SLX4IP: variants seen among roughly 807,000 people sequenced by gnomAD.
The protein encoded by SLX4IP is protein SLX4IP.
In SLX4IP, 34 loss-of-function variants were observed where a neutral mutation model predicts 32.9. The ratio of observed to expected loss-of-function variants is 1.03; its 90% confidence interval spans 0.79 to 1.38. SLX4IP has a LOEUF of 1.38. Among genes scored for constraint, SLX4IP ranks in the 40% most tolerant of loss-of-function variants. The pLI is 0.00. For synonymous variants in SLX4IP, 172 were observed against 171.7 expected (o/e 1.00, Z -0.01); for missense variants, 444 against 479.0 (o/e 0.93, Z 0.68).
At position 10,623,513 on chromosome 20, in the gene SLX4IP, G is replaced by A; in HGVS notation, c.*134G>A. 1.5e-6 allele frequency: 2 copies of A among 1,302,278 alleles called. No homozygotes were observed. The highest frequency in any genetic ancestry group is 2.1e-6 in the Non-Finnish European group (2 of 971,080). 80.7% of individuals were successfully genotyped at this position (1,302,278 alleles called of 1,614,324 possible). On this transcript the variant is annotated 3_prime_UTR_variant, in exon 8 of 8. Coordinates refer to ENST00000334534, the MANE Select transcript of SLX4IP (RefSeq NM_001009608.3). ...AATTTAAATAGGAAGTGTGTTATCT[G>A]TGTTATGGCTATGGTTTGTTTTCAA...
At chr20:10,479,191 G>C (rs1388360273) in intron 2 of SLX4IP, among the ~76,000 whole-genome samples, 1 of 152,172 alleles carries the variant, frequency 6.6e-6, no homozygotes, top group African/African-American at 2.4e-5. Context: ...TCTGGGAAAG[G>C]TGAGGACAGT....
chr20:10,467,823 A>T lies in SLX4IP; in HGVS notation c.27+9592A>T, dbSNP rs1310165203. Among the ~76,000 whole-genome samples the T allele has an allele frequency of 4.6e-5, 7 of 152,152 alleles. No individual in the cohort carries two copies. In the East Asian group the frequency reaches 1.3e-3, roughly 29 times the overall value. On this transcript the variant is annotated intron_variant, in intron 2 of 7. Transcript: ENST00000334534. Reference sequence around the variant, plus strand: ...AAGGCATCTGCTCTGAGTGTTGATGACTTTGAAACAAAGTTCTTGGACTTG... The same window carrying T: ...AAGGCATCTGCTCTGAGTGTTGATGTCTTTGAAACAAAGTTCTTGGACTTG...
intron 6 of SLX4IP, chr20:10,613,871 A>G (rs900907525): frequency 7.1e-5 from 112 of 1,572,524 alleles, no homozygotes; most frequent in Non-Finnish European, 8.8e-5. Flanking sequence ...ATGTCTTTTC[A>G]AAAGCTTGAA....
At chr20:10,582,891 A>G (rs1004899348) in intron 4 of SLX4IP, among the ~76,000 whole-genome samples, 9 of 152,168 alleles carry the variant, frequency 5.9e-5, no homozygotes, top group African/African-American at 1.9e-4. Context: ...ATGTTCTGAG[A>G]CTTTGGAAGA....
At chr20:10,466,888 T>C (rs1055732076) in intron 2 of SLX4IP, among the ~76,000 whole-genome samples, 3 of 151,844 alleles carry the variant, frequency 2.0e-5, no homozygotes, top group Non-Finnish European at 4.4e-5. Flanking sequence ...ATCTTTACTA[T>C]CAATGTTTTT....
At chr20:10,514,949 C>G (rs986391414) in intron 2 of SLX4IP, among the ~76,000 whole-genome samples, 17 of 151,948 alleles carry the variant, frequency 1.1e-4, no homozygotes, top group Admixed American at 6.6e-4. Flanking sequence ...TTCAAGATCT[C>G]TTCTTTGGGA....
chr20:10,554,865 A>G (rs1404935736), intron 2 of SLX4IP, among the ~76,000 whole-genome samples: 1 of 152,116 alleles, frequency 6.6e-6, no homozygotes, highest in African/African-American at 2.4e-5. Flanking sequence ...ATTTTTGAAT[A>G]CATAAATACA....
chr20:10,596,641 AC>A (rs1458122221), intron 4 of SLX4IP, among the ~76,000 whole-genome samples: 1 of 152,178 alleles, frequency 6.6e-6, no homozygotes, highest in Non-Finnish European at 1.5e-5. Flanking sequence ...AGGTAGAATA[AC>A]AGATATTATA....
intron 2 of SLX4IP, among the ~76,000 whole-genome samples, chr20:10,491,927 A>G (rs1366503562): frequency 6.6e-6 from 1 of 152,196 alleles, no homozygotes; most frequent in Non-Finnish European, 1.5e-5. Flanking sequence ...CTACAAGCAA[A>G]TGTGCTCATA....
At chr20:10,578,544 C>T (rs1032492553) in intron 4 of SLX4IP, among the ~76,000 whole-genome samples, 3 of 152,120 alleles carry the variant, frequency 2.0e-5, no homozygotes, top group Non-Finnish European at 2.9e-5. Flanking sequence ...TATGGGTATT[C>T]GTGTACAAGT....
chr20:10,498,788 T>C (rs2065691504), intron 2 of SLX4IP, among the ~76,000 whole-genome samples: 1 of 151,946 alleles, frequency 6.6e-6, no homozygotes, highest in South Asian at 2.1e-4. Context: ...AGATTTTTAA[T>C]ATCCATATTA....
At chr20:10,520,683 T>A (rs894256416) in intron 2 of SLX4IP, among the ~76,000 whole-genome samples, 2 of 152,246 alleles carry the variant, frequency 1.3e-5, no homozygotes, top group Non-Finnish European at 2.9e-5. Flanking sequence ...TGAGTTAATT[T>A]CTGTGTATGG....
chr20:10,561,545 CTTTTTTTT>C (rs749781715), intron 4 of SLX4IP, among the ~76,000 whole-genome samples: 1 of 139,148 alleles, frequency 7.2e-6, no homozygotes, highest in African/African-American at 2.7e-5. Flanking sequence ...TTTCTTTTTT[CTTTTTTTT>C]TTTTTGGTTA....
At chr20:10,437,466 C>T (rs903457525) in intron 1 of SLX4IP, among the ~76,000 whole-genome samples, 1 of 152,148 alleles carries the variant, frequency 6.6e-6, no homozygotes, top group African/African-American at 2.4e-5. Context: ...ACAACTTTTA[C>T]GTTTTATGTT....
chr20:10,494,043 C>T (rs2065647405), intron 2 of SLX4IP, among the ~76,000 whole-genome samples: 2 of 151,520 alleles, frequency 1.3e-5, no homozygotes, highest in Admixed American at 6.6e-5. Flanking sequence ...GTATTTTATC[C>T]TTTAATATCT....
intron 6 of SLX4IP, among the ~76,000 whole-genome samples, chr20:10,617,584 C>T (rs1031222047): frequency 6.6e-6 from 1 of 151,866 alleles, no homozygotes. Context: ...TTTCAATGTG[C>T]CTTTGGGACT....
At chr20:10,576,869 T>G (rs893475918) in intron 4 of SLX4IP, among the ~76,000 whole-genome samples, 1 of 152,204 alleles carries the variant, frequency 6.6e-6, no homozygotes, top group Non-Finnish European at 1.5e-5. Context: ...TTTTACTTAA[T>G]TGCAACCAGA....
In SLX4IP at chr20:10,526,114, G is replaced by T. The variant is rs116173663; in HGVS notation, c.28-30117G>T. On this transcript the variant is annotated intron_variant, in intron 2 of 7. Transcript: ENST00000334534. Reference sequence around the variant, plus strand: ...CCATCATACCCTCCTTCCTTCATGCGCACATCACATTGCACTTTCACGCCT... The same window carrying T: ...CCATCATACCCTCCTTCCTTCATGCTCACATCACATTGCACTTTCACGCCT... 2.7e-3 allele frequency among the ~76,000 whole-genome samples: 412 copies of T among 151,970 alleles called. 1 individual carries two copies. Among genetic ancestry groups the T allele is most frequent in the African/African-American group, 9.4e-3 (389 of 41,428 alleles).
intron 4 of SLX4IP, among the ~76,000 whole-genome samples, chr20:10,590,221 G>T (rs2066691662): frequency 6.6e-6 from 1 of 151,862 alleles, no homozygotes; most frequent in Non-Finnish European, 1.5e-5. Context: ...TGAAAACTTT[G>T]TAATTTTTTA....
Sources: allele counts gnomAD v4.1 joint callset (sites outside exome capture counted in the v4.1 genomes callset), GRCh38; gene constraint gnomAD v4.1.1; transcripts MANE v1.5; gene names NCBI Gene and HGNC (gene_info 2026-07-23, HGNC 2026-07-21).